Variants in IGLL1 observed in about 807,000 individuals in gnomAD.
IGLL1 encodes immunoglobulin lambda like polypeptide 1, also known as immunoglobulin lambda-like polypeptide 1.
IGLL1 carries 10 observed loss-of-function variants against 10.5 expected under a neutral mutation model. The ratio of observed to expected loss-of-function variants is 0.95; its 90% CI spans 0.59 to 1.62. The LOEUF (loss-of-function observed/expected upper bound fraction) is 1.62, where lower values mean the gene tolerates loss of function less well. IGLL1 is among the 40% of genes most tolerant of loss of function. The pLI is 0.00. For synonymous variants in IGLL1, 141 were observed against 122.7 expected, an observed-to-expected ratio of 1.15 and a Z score of -0.99; for missense variants, 284 against 278.7, an observed-to-expected ratio of 1.02 and a Z score of -0.14.
rs200112582 is a variant in IGLL1 at position 23,573,242 on chromosome 22, T to G, written c.*24A>C. ...TGGGATCCTGCAGCTCCAGGCCCCT[T>G]TGGGTGGGGTCGGGGCTGGGAACCT... On this transcript the variant is annotated 3_prime_UTR_variant, in exon 3 of 3. Coordinates refer to ENST00000330377, the MANE Select transcript of IGLL1 (RefSeq NM_020070.4). 7.4e-3 allele frequency: 11,839 copies of G among 1,607,780 alleles called. 75 individuals are homozygous for G. Among genetic ancestry groups the G allele is most frequent in the Non-Finnish European group, 9.1e-3 (10,671 of 1,174,926 alleles).
rs748163580 is a variant in IGLL1, at chr22:23,580,123, C to T, written c.68G>A (p.Arg23His). ...CAGACCCAGCAGCAGCAGGGGCCAG[C>T]GCTGCCTGAGGTTGGGGCCTGGCTC... ...PGEPGPNLRQ[R>H]WPLLLLGLAV... The change falls in exon 1 of 3, where the codon CGC becomes CAC. Residue 23 changes from arginine (R) to histidine (H), a missense_variant. Transcript: ENST00000330377. 2.6e-5 allele frequency: 41 copies of T among 1,564,344 alleles called. No homozygotes were observed. Among genetic ancestry groups the T allele is most frequent in the South Asian group, 4.7e-5 (4 of 85,348 alleles).
Position 23,574,961 on chromosome 22 carries a change from A to G in IGLL1, c.322+6T>C. 6.3e-7 allele frequency: 1 copy of G among 1,588,750 alleles called. No homozygotes were observed. The highest frequency in any genetic ancestry group is 8.6e-7 in the Non-Finnish European group (1 of 1,157,072). ...TGGGACAGCCTGGGAAGTTAGAGCCACTTACTTAAAACGGTGAGCTGGGTC... is the reference window on the plus strand; with the variant it reads ...TGGGACAGCCTGGGAAGTTAGAGCCGCTTACTTAAAACGGTGAGCTGGGTC... On this transcript the variant is annotated splice_donor_region_variant and intron_variant, in intron 2 of 2. Transcript: ENST00000330377.
In IGLL1 at chr22:23,573,209, C is replaced by T; in HGVS notation, c.*57G>A. The T allele has an allele frequency of 6.4e-7, 1 of 1,552,150 alleles. No individual in the cohort carries two copies. The highest frequency in any genetic ancestry group is 8.9e-7 in the Non-Finnish European group (1 of 1,124,638). ...GATGGCTTGGGATGCAGAGAGAGAC[C>T]CTTCCCCTGGGATCCTGCAGCTCCA... On this transcript the variant is annotated 3_prime_UTR_variant, in exon 3 of 3. Transcript: ENST00000330377.
At chr22:23,575,138 G>T in intron 1 of IGLL1, 56 bp from the exon 2 acceptor site, 2 of 1,256,044 alleles carry the variant, frequency 1.6e-6, no homozygotes, top group South Asian at 1.2e-5. Context: ...CCAGGCACAG[G>T]GTAGGGGGGT....
chr22:23,574,240 T>C (rs112788701), intron 2 of IGLL1, among the ~76,000 whole-genome samples: 10 of 151,828 alleles, frequency 6.6e-5, no homozygotes, highest in African/African-American at 2.2e-4. Context: ...TTCTCTGCAC[T>C]CCCGTTTACT....
chr22:23,577,892 T>C (rs1171903582), intron 1 of IGLL1, among the ~76,000 whole-genome samples: 1 of 149,562 alleles, frequency 6.7e-6, no homozygotes, highest in East Asian at 2.0e-4. Context: ...ATAATACCTT[T>C]TTTTTTTTTT....
chr22:23,580,218 G>A lies in IGLL1; in HGVS notation c.-28C>T. ...GCCCTCAGGGTCAGAGGTCCTTGTG[G>A]CCTGACTTGCAGTGTGGGCTCCCTA... is the stretch of plus-strand genomic sequence containing the variant. On this transcript the variant is annotated 5_prime_UTR_variant, in exon 1 of 3. Transcript: ENST00000330377. The A allele has an allele frequency of 6.5e-7, 1 of 1,535,652 alleles. No homozygotes were observed. The highest frequency in any genetic ancestry group is 8.7e-7 in the Non-Finnish European group (1 of 1,146,656).
At chr22:23,575,409 C>T (rs1288911262) in intron 1 of IGLL1, among the ~76,000 whole-genome samples, 2 of 152,118 alleles carry the variant, frequency 1.3e-5, no homozygotes, top group Non-Finnish European at 2.9e-5. Context: ...CCACAAGTGT[C>T]CCCAGTCAAG....
intron 1 of IGLL1, 151 bp from the exon 2 acceptor site, chr22:23,575,233 C>G: frequency 1.4e-6 from 1 of 730,732 alleles, no homozygotes; most frequent in East Asian, 2.5e-5. Context: ...GTGTGTCCCC[C>G]TCTCTGAAAC....
intron 2 of IGLL1, 73 bp from the exon 3 acceptor site, chr22:23,573,658 A>C: frequency 8.2e-7 from 1 of 1,221,248 alleles, no homozygotes. Flanking sequence ...CTCTCTGTCT[A>C]AAGTCTCTGG....
chr22:23,576,233 G>A (rs371112307), intron 1 of IGLL1, among the ~76,000 whole-genome samples: 92 of 151,076 alleles, frequency 6.1e-4, no homozygotes, highest in African/African-American at 1.8e-3. Context: ...CAGTCACCTC[G>A]CCTCCCACAC....
chr22:23,574,047 G>C (rs1355044238), intron 2 of IGLL1, among the ~76,000 whole-genome samples: 1 of 151,688 alleles, frequency 6.6e-6, no homozygotes, highest in African/African-American at 2.4e-5. Flanking sequence ...CTGGTGAAGC[G>C]TGGGCTCCAC....
At chr22:23,578,953 T>C (rs1436232220) in intron 1 of IGLL1, among the ~76,000 whole-genome samples, 2 of 151,504 alleles carry the variant, frequency 1.3e-5, no homozygotes, top group Non-Finnish European at 2.9e-5. Context: ...AGAGTGAAAC[T>C]CTGTGAAACT....
Position 23,580,256 on chromosome 22 carries a change from C to G in IGLL1, c.-66G>C. The G allele has an allele frequency of 1.3e-6, 2 of 1,531,830 alleles. No homozygotes were observed. Among genetic ancestry groups the G allele is most frequent in the Non-Finnish European group, 1.7e-6 (2 of 1,144,818 alleles). The allele number at this position is 1,531,830 out of a possible 1,614,324, so 94.9% of individuals were successfully genotyped here. On this transcript the variant is annotated 5_prime_UTR_variant, in exon 1 of 3. Coordinates refer to ENST00000330377, the MANE Select transcript of IGLL1 (RefSeq NM_020070.4). Reference sequence around the variant, plus strand: ...TGTGGGCTCCCTAGAGAGTGGTGCCCTGGTCCCTCTCGCTGGCAGCAGCTG... The same window carrying G: ...TGTGGGCTCCCTAGAGAGTGGTGCCGTGGTCCCTCTCGCTGGCAGCAGCTG...
intron 2 of IGLL1, among the ~76,000 whole-genome samples, chr22:23,573,921 T>C (rs56140603): frequency 0.24 from 35,717 of 146,348 alleles, 4,951 homozygotes; most frequent in African/African-American, 0.34. Flanking sequence ...GGGGTCTCCC[T>C]CACAGCACAC....
rs114285337 is a variant in IGLL1, at chr22:23,574,980, C to T, written c.309G>A (p.Gln103=). 1.1e-3 allele frequency: 1,767 copies of T among 1,612,656 alleles called. 17 individuals are homozygous for T. In the African/African-American group the frequency reaches 0.021, roughly 19 times the overall value. The change falls in exon 2 of 3, where the codon CAG becomes CAA. Residue 103 remains glutamine (Q), a synonymous_variant. Transcript: ENST00000330377. Reference sequence around the variant, plus strand: ...AGAGCCACTTACTTAAAACGGTGAGCTGGGTCCCGCTGCCAAACACATGCG... The same window carrying T: ...AGAGCCACTTACTTAAAACGGTGAGTTGGGTCCCGCTGCCAAACACATGCG... ...SVTHVFGSGT[Q]LTVLSQPKAT...
At position 23,573,689 on chromosome 22, in the gene IGLL1, C is replaced by T. The variant is rs61173318; in HGVS notation, c.323-104G>A. On this transcript the variant is annotated intron_variant, in intron 2 of 2. Coordinates refer to ENST00000330377, the MANE Select transcript of IGLL1 (RefSeq NM_020070.4). ...TCTGGGAGGGTTCATGGTGTGGCCGCCTGGTCCACCCAGGGCCTCTCCTTC... is the reference window on the plus strand; with the variant it reads ...TCTGGGAGGGTTCATGGTGTGGCCGTCTGGTCCACCCAGGGCCTCTCCTTC... 49,363 of 859,686 alleles carry T rather than the reference C, an allele frequency of 0.057. 1,953 individuals are homozygous for T. Among genetic ancestry groups the T allele is most frequent in the East Asian group, 0.18 (6,834 of 38,240 alleles). The allele number at this position is 859,686 out of a possible 1,614,324, so 53.3% of individuals were successfully genotyped here.
rs2123696082 is a variant in IGLL1 at position 23,573,517 on chromosome 22, C to T, written c.391G>A (p.Ala131Thr). 1 of 1,613,910 alleles carries T rather than the reference C, an allele frequency of 6.2e-7. No individual in the cohort carries two copies. The highest frequency in any genetic ancestry group is 8.5e-7 in the Non-Finnish European group (1 of 1,179,832). ...PSSEELQANK[A>T]TLVCLMNDFY... ...TCATTCATGAGACACACCAGTGTAG[C>T]CTTGTTGGCTTGGAGCTCCTCAGAG... Residue 131 changes from alanine (A) to threonine (T), a missense_variant, in exon 3 of 3, where the codon GCT (alanine) becomes ACT (threonine). Physicochemically the swap from Ala to Thr is moderately conservative, Grantham distance 58. Transcript: ENST00000330377.
rs142384414 is a variant in IGLL1 at position 23,573,549 on chromosome 22, G to T, written c.359C>A (p.Pro120Gln). 1 of 1,609,966 alleles carries T rather than the reference G, an allele frequency of 6.2e-7. No individual in the cohort carries two copies. The highest frequency in any genetic ancestry group is 8.5e-7 in the Non-Finnish European group (1 of 1,178,856). Residue 120 changes from proline to glutamine, a missense_variant, in exon 3 of 3, where the codon CCG (proline) becomes CAG (glutamine). Pro to Gln is a moderately conservative substitution (Grantham distance 76, BLOSUM62 -1). Transcript: ENST00000330377. ...GGCTTGGAGCTCCTCAGAGGACGGCGGGAACAGAGTGACCGAGGGGGTGGC... is the reference window on the plus strand; with the variant it reads ...GGCTTGGAGCTCCTCAGAGGACGGCTGGAACAGAGTGACCGAGGGGGTGGC... ...PKATPSVTLF[P>Q]PSSEELQANK... is the part of the protein sequence containing the mutation.
Sources: gnomAD v4.1 joint callset for allele counts (sites outside exome capture counted in the v4.1 genomes callset) on GRCh38, gnomAD v4.1.1 for gene constraint, MANE v1.5 for transcripts, NCBI Gene and HGNC (gene_info 2026-07-23, HGNC 2026-07-21) for gene names.